AOPEP: variants seen among roughly 807,000 people sequenced by gnomAD.
AOPEP encodes aminopeptidase O.
Under a neutral mutation model 98.1 loss-of-function variants are expected in AOPEP, and 77 were observed. That is an observed-to-expected ratio of 0.78 (90% CI 0.65 to 0.95). The LOEUF (loss-of-function observed/expected upper bound fraction) is 0.95. Among genes scored for constraint, AOPEP ranks in the 40% least tolerant of loss-of-function variants. The pLI is 0.00. For synonymous variants in AOPEP, 346 were observed against 365.3 expected, an observed-to-expected ratio of 0.95 and a Z score of 0.60; for missense variants, 1,024 against 1,024.7, an observed-to-expected ratio of 1.00 and a Z score of 0.01.
At chr9:94,966,127 C>T in intron 9 of AOPEP, among the ~76,000 whole-genome samples, 1 of 147,956 alleles carries the variant, frequency 6.8e-6, no homozygotes, top group Non-Finnish European at 1.5e-5. Context: ...AGACTTGGTT[C>T]TATTGGGAGG....
chr9:94,979,327 A>G, intron 10 of AOPEP, 40 bp from the exon 11 acceptor site: 1 of 1,423,636 alleles, frequency 7.0e-7, no homozygotes, highest in Non-Finnish European at 9.8e-7. Flanking sequence ...GCGCTCTGTA[A>G]CTTTTTAATC....
At chr9:94,957,361 C>T (rs188584324) in intron 9 of AOPEP, among the ~76,000 whole-genome samples, 9 of 152,278 alleles carry the variant, frequency 5.9e-5, no homozygotes, top group East Asian at 1.9e-4. Flanking sequence ...GCGCTTGCCA[C>T]GACACCCTGC....
At chr9:95,112,350 G>A in the AOPEP span, among the ~76,000 whole-genome samples, 1 of 152,202 alleles carries the variant, frequency 6.6e-6, no homozygotes, top group Admixed American at 6.5e-5. Context: ...GCTGGAACAG[G>A]AGTGTTCCTG....
chr9:95,085,397 G>C (rs1460299335), intron 16 of AOPEP: 2 of 514,846 alleles, frequency 3.9e-6, no homozygotes, highest in Non-Finnish European at 8.0e-6. Flanking sequence ...GCCACCAGCT[G>C]AGGAAGATGC....
chr9:95,089,797 G>A (rs1354512138), downstream of AOPEP, among the ~76,000 whole-genome samples: 6 of 152,214 alleles, frequency 3.9e-5, no homozygotes, highest in African/African-American at 1.4e-4. Flanking sequence ...ACCCATGGGT[G>A]GGACCTGTCA....
intron 7 of AOPEP, among the ~76,000 whole-genome samples, chr9:94,947,632 T>G (rs545969133): frequency 5.9e-5 from 9 of 152,228 alleles, no homozygotes; most frequent in Non-Finnish European, 1.3e-4. Context: ...TTAATAACAT[T>G]CTTTGAGTGC....
chr9:94,757,278 G>A (rs1247260710), intron 1 of AOPEP, among the ~76,000 whole-genome samples: 1 of 152,234 alleles, frequency 6.6e-6, no homozygotes, highest in Non-Finnish European at 1.5e-5. Context: ...GAGTCAGCAA[G>A]CTTGGAATTG....
intron 1 of AOPEP, among the ~76,000 whole-genome samples, chr9:94,737,621 T>C (rs992332058): frequency 2.6e-5 from 4 of 152,274 alleles, no homozygotes; most frequent in African/African-American, 7.2e-5. Context: ...CAATTTTATA[T>C]AGCTAAGTTT....
chr9:95,146,330 T>C, the AOPEP span, among the ~76,000 whole-genome samples: 7 of 150,336 alleles, frequency 4.7e-5, no homozygotes, highest in East Asian at 1.4e-3. Context: ...CTACCGAAAA[T>C]ACAAAAAATT....
chr9:94,832,056 A>G (rs546652465), intron 5 of AOPEP, among the ~76,000 whole-genome samples: 206 of 152,288 alleles, frequency 1.4e-3, no homozygotes, highest in African/African-American at 4.8e-3. Context: ...AAGTGGAGAA[A>G]ACTTCTGGTT....
chr9:94,780,882 T>C (rs963699975), intron 3 of AOPEP, among the ~76,000 whole-genome samples: 1 of 152,210 alleles, frequency 6.6e-6, no homozygotes, highest in African/African-American at 2.4e-5. Context: ...CAGCTGATTT[T>C]TCCACAGAAG....
intron 13 of AOPEP, among the ~76,000 whole-genome samples, chr9:95,007,397 G>A (rs1014036485): frequency 7.0e-6 from 1 of 143,350 alleles, no homozygotes; most frequent in Admixed American, 6.9e-5. Context: ...GTGGGGGGGG[G>A]ACTGATTATT....
chr9:95,098,070 T>C, the AOPEP span, among the ~76,000 whole-genome samples: 1 of 152,128 alleles, frequency 6.6e-6, no homozygotes, highest in Non-Finnish European at 1.5e-5. Flanking sequence ...TCTTCTTCCT[T>C]GGAAAGCAAA....
At chr9:94,816,414 T>C (rs1201602433) in intron 5 of AOPEP, among the ~76,000 whole-genome samples, 2 of 152,110 alleles carry the variant, frequency 1.3e-5, no homozygotes, top group East Asian at 1.9e-4. Context: ...CTGAATTTAG[T>C]TGGGTCCTCT....
chr9:95,024,610 G>C (rs1379965053), intron 13 of AOPEP, among the ~76,000 whole-genome samples: 1 of 152,150 alleles, frequency 6.6e-6, no homozygotes, highest in Non-Finnish European at 1.5e-5. Context: ...GTGGCCCCAC[G>C]TTCCATGAGG....
intron 7 of AOPEP, among the ~76,000 whole-genome samples, chr9:94,948,339 C>T (rs2057839187): frequency 6.6e-6 from 1 of 151,878 alleles, no homozygotes; most frequent in South Asian, 2.1e-4. Flanking sequence ...GTTGCATGCT[C>T]TCCACCACAT....
At chr9:95,008,900 A>G (rs569596557) in intron 13 of AOPEP, among the ~76,000 whole-genome samples, 1 of 152,252 alleles carries the variant, frequency 6.6e-6, no homozygotes, top group East Asian at 1.9e-4. Flanking sequence ...GAATTCTTTT[A>G]TATTTTGTTT....
intron 14 of AOPEP, among the ~76,000 whole-genome samples, chr9:95,079,783 T>C (rs2069524574): frequency 6.6e-6 from 1 of 152,222 alleles, no homozygotes; most frequent in African/African-American, 2.4e-5. Flanking sequence ...AGTGTATCTT[T>C]TAAAAGAACA....
chr9:95,060,828 C>T lies in AOPEP; in HGVS notation c.2232+18C>T, dbSNP rs189184246. On this transcript the variant is annotated intron_variant, in intron 14 of 16. Transcript: ENST00000375315. ...ATGCAGAGGTAACCAGGAACACTCTCGGAGTTTAACCAGCAGGTCCCCACT... is the reference window on the plus strand; with the variant it reads ...ATGCAGAGGTAACCAGGAACACTCTTGGAGTTTAACCAGCAGGTCCCCACT... 8.3e-3 allele frequency: 12,422 copies of T among 1,499,914 alleles called. 106 individuals carry two copies. Among genetic ancestry groups the T allele is most frequent in the Middle Eastern group, 0.035 (202 of 5,830 alleles). 92.9% of individuals were successfully genotyped at this position (1,499,914 alleles called of 1,614,324 possible).
Sources: allele counts gnomAD v4.1 joint callset (sites outside exome capture counted in the v4.1 genomes callset), GRCh38; gene constraint gnomAD v4.1.1; transcripts MANE v1.5; gene names NCBI Gene and HGNC (gene_info 2026-07-23, HGNC 2026-07-21).